Variants in EPB41L2 observed in about 807,000 individuals in gnomAD.
The protein encoded by EPB41L2 is erythrocyte membrane protein band 4.1 like 2, also known as band 4.1-like protein 2.
A neutral mutation model predicts 113.0 loss-of-function variants in EPB41L2; 43 were observed. That is an observed-to-expected ratio of 0.38 (90% confidence interval 0.30 to 0.49). The LOEUF (loss-of-function observed/expected upper bound fraction) is 0.49. Among genes scored for constraint, EPB41L2 ranks in the 20% least tolerant of loss-of-function variants. The pLI is 0.95. For missense variants in EPB41L2, 1,147 were observed against 1,223.4 expected (o/e 0.94, Z 0.93); for synonymous variants, 442 against 436.7 (o/e 1.01, Z -0.15).
At chr6:130,897,561 TAACA>T (rs1795032624) in intron 8 of EPB41L2, among the ~76,000 whole-genome samples, 1 of 152,218 alleles carries the variant, frequency 6.6e-6, no homozygotes, top group African/African-American at 2.4e-5. Context: ...GGTTTCTAAC[TAACA>T]ATCAACAAAG....
At chr6:130,842,808 A>G (rs1583442312) in intron 19 of EPB41L2, among the ~76,000 whole-genome samples, 1 of 152,336 alleles carries the variant, frequency 6.6e-6, no homozygotes, top group African/African-American at 2.4e-5. Context: ...TTACTGAGCT[A>G]AATATAGAGA....
intron 1 of EPB41L2, among the ~76,000 whole-genome samples, chr6:131,013,169 T>C (rs1787421275): frequency 6.6e-6 from 1 of 152,028 alleles, no homozygotes; most frequent in South Asian, 2.1e-4. Context: ...AAACATGTTT[T>C]TACTACAAAA....
At chr6:130,998,124 T>C (rs1026130393) in intron 1 of EPB41L2, among the ~76,000 whole-genome samples, 1 of 152,184 alleles carries the variant, frequency 6.6e-6, no homozygotes, top group African/African-American at 2.4e-5. Flanking sequence ...AATGACTCCA[T>C]TTTATAAGTA....
At chr6:130,940,546 G>C (rs1018676738) in intron 3 of EPB41L2, among the ~76,000 whole-genome samples, 1 of 151,028 alleles carries the variant, frequency 6.6e-6, no homozygotes, top group Admixed American at 6.6e-5. Flanking sequence ...GTTCACTGTA[G>C]ACTCTACCTC....
chr6:130,932,366 C>T (rs1251189484), intron 3 of EPB41L2, among the ~76,000 whole-genome samples: 1 of 150,972 alleles, frequency 6.6e-6, no homozygotes, highest in Non-Finnish European at 1.5e-5. Flanking sequence ...ATAAAAAGGA[C>T]TACAAATATA....
At chr6:130,871,883 T>C (rs562622424) in intron 14 of EPB41L2, among the ~76,000 whole-genome samples, 39 of 152,382 alleles carry the variant, frequency 2.6e-4, no homozygotes, top group African/African-American at 8.7e-4. Context: ...ATTATTGTTA[T>C]ATCTTAACCT....
In EPB41L2 at chr6:131,039,323, CCA is replaced by C. The variant is rs201142602; in HGVS notation, c.-15+23830_-15+23831del. On this transcript the variant is annotated intron_variant, in intron 1 of 19. Coordinates refer to ENST00000337057, the MANE Select transcript of EPB41L2 (RefSeq NM_001431.4). Reference sequence around the variant, plus strand: ...TGGGAACTCCTACATTTCCAAATTTCCAATCCTTTAATCCATGGCCCAGGAAA... The same window carrying C: ...TGGGAACTCCTACATTTCCAAATTTCATCCTTTAATCCATGGCCCAGGAAA... Among the ~76,000 whole-genome samples the C allele has an allele frequency of 2.4e-3, 362 of 152,332 alleles. 14 individuals carry two copies. In the East Asian group the frequency reaches 0.051, roughly 21 times the overall value.
intron 1 of EPB41L2, among the ~76,000 whole-genome samples, chr6:131,035,604 G>A (rs1793136586): frequency 1.3e-5 from 2 of 152,178 alleles, no homozygotes; most frequent in African/African-American, 4.8e-5. Flanking sequence ...GTTATCCAGA[G>A]CCTTACATTT....
chr6:130,849,413 T>G (rs982861389), intron 19 of EPB41L2, among the ~76,000 whole-genome samples: 1 of 152,190 alleles, frequency 6.6e-6, no homozygotes, highest in African/African-American at 2.4e-5. Flanking sequence ...GGTGCCAATT[T>G]TTTAAATTGG....
intron 18 of EPB41L2, among the ~76,000 whole-genome samples, chr6:130,859,802 A>T (rs1456622380): frequency 6.6e-6 from 1 of 152,138 alleles, no homozygotes; most frequent in Non-Finnish European, 1.5e-5. Flanking sequence ...TTGCACAGAA[A>T]CTTGGAAGAC....
chr6:130,998,071 T>C (rs1369010161), intron 1 of EPB41L2, among the ~76,000 whole-genome samples: 1 of 152,186 alleles, frequency 6.6e-6, no homozygotes, highest in African/African-American at 2.4e-5. Context: ...TGTGTATCAT[T>C]TCATTTAATT....
At chr6:131,030,870 G>A (rs1792010118) in intron 1 of EPB41L2, among the ~76,000 whole-genome samples, 1 of 151,310 alleles carries the variant, frequency 6.6e-6, no homozygotes, top group Non-Finnish European at 1.5e-5. Context: ...GAGCTCAGGA[G>A]CTCGAGGACC....
In EPB41L2 at chr6:130,926,689, C is replaced by T. The variant is rs371013727; in HGVS notation, c.726G>A (p.Val242=). 3.9e-5 allele frequency: 62 copies of T among 1,603,842 alleles called. No individual in the cohort carries two copies. Among genetic ancestry groups the T allele is most frequent in the Admixed American group, 3.7e-4 (21 of 57,496 alleles). The change falls in exon 4 of 20, where the codon GTG becomes GTA. Residue 242 remains valine (V), a synonymous_variant. Transcript: ENST00000337057. ...CDLEKHAKGQ[V]LFDKVCEHLN... ...GGTGTTCACACACTTTGTCAAATAA[C>T]ACTTGTCCCTTGGCATGTTTCTGGA...
At chr6:130,905,445 G>A (rs1797453276) in intron 5 of EPB41L2, among the ~76,000 whole-genome samples, 1 of 149,752 alleles carries the variant, frequency 6.7e-6, no homozygotes, top group East Asian at 2.0e-4. Context: ...CTGAGACAGA[G>A]TCTCACTCTG....
Position 130,986,053 on chromosome 6 carries a change from G to A in EPB41L2, c.-14-29554C>T, listed in dbSNP as rs150538755. ...CAGACCAACATCCCTATAAACATAC[G>A]GGCAAAAATCCTTGGCAAAATACTG... On this transcript the variant is annotated intron_variant, in intron 1 of 19. Coordinates refer to ENST00000337057, the MANE Select transcript of EPB41L2 (RefSeq NM_001431.4). Among the ~76,000 whole-genome samples, 358 of 152,032 alleles carry A rather than the reference G, an allele frequency of 2.4e-3. 2 individuals are homozygous for A. The highest frequency in any genetic ancestry group is 7.4e-3 in the African/African-American group (309 of 41,486).
intron 1 of EPB41L2, among the ~76,000 whole-genome samples, chr6:130,977,651 G>A (rs1223295730): frequency 1.3e-5 from 2 of 151,958 alleles, no homozygotes; most frequent in East Asian, 3.9e-4. Context: ...AAAATTCTAA[G>A]TCTCCAAAAA....
chr6:130,968,473 TTA>T (rs774960328), intron 1 of EPB41L2, among the ~76,000 whole-genome samples: 12 of 152,232 alleles, frequency 7.9e-5, no homozygotes, highest in Non-Finnish European at 1.8e-4. Context: ...TTTTAAGTAA[TTA>T]TAGCACTACT....
chr6:131,054,775 G>A (rs1338422100), intron 1 of EPB41L2, among the ~76,000 whole-genome samples: 4 of 152,240 alleles, frequency 2.6e-5, no homozygotes, highest in African/African-American at 9.6e-5. Context: ...AGGGGAAGAA[G>A]AAAAGAGCTC....
intron 14 of EPB41L2, among the ~76,000 whole-genome samples, chr6:130,874,124 GTCA>G (rs1416485448): frequency 6.6e-6 from 1 of 152,098 alleles, no homozygotes; most frequent in Non-Finnish European, 1.5e-5. Flanking sequence ...GCAAATTTAA[GTCA>G]TCATAATTCA....
Sources: gnomAD v4.1 joint callset for allele counts (sites outside exome capture counted in the v4.1 genomes callset) on GRCh38, gnomAD v4.1.1 for gene constraint, MANE v1.5 for transcripts, NCBI Gene and HGNC (gene_info 2026-07-23, HGNC 2026-07-21) for gene names.